The following MOK variants were observed in gnomAD, a reference collection of about 807,000 sequenced individuals.
MOK encodes the protein MAPK/MAK/MRK overlapping kinase.
MOK carries 59 observed loss-of-function variants against 54.2 expected under a neutral mutation model. That is an observed-to-expected ratio of 1.09 (90% CI 0.88 to 1.35). MOK has a LOEUF of 1.35. MOK is among the 40% of genes most tolerant of loss of function. The pLI is 0.00. For missense variants in MOK, 517 were observed against 526.2 expected, an observed-to-expected ratio of 0.98 and a Z score of 0.17; for synonymous variants, 210 against 202.7, an observed-to-expected ratio of 1.04 and a Z score of -0.31.
At chr14:102,262,275 A>G (rs993647807) in intron 4 of MOK, among the ~76,000 whole-genome samples, 2 of 152,126 alleles carry the variant, frequency 1.3e-5, no homozygotes, top group African/African-American at 2.4e-5. Flanking sequence ...CTTCCTGAGT[A>G]GGTGGGACTA....
At chr14:102,299,217 T>A (rs1274003660) in intron 1 of MOK, among the ~76,000 whole-genome samples, 2 of 152,168 alleles carry the variant, frequency 1.3e-5, no homozygotes, top group Non-Finnish European at 2.9e-5. Context: ...CAGATACTTT[T>A]AAAAATTCTC....
In MOK at chr14:102,229,156, C is replaced by G. The variant is rs570931995; in HGVS notation, c.*133G>C. 29 of 985,458 alleles carry G rather than the reference C, an allele frequency of 2.9e-5. No individual in the cohort carries two copies. In the African/African-American group the frequency reaches 4.4e-4, roughly 15 times the overall value. The allele number at this position is 985,458 out of a possible 1,614,324, so 61.0% of individuals were successfully genotyped here. A position where few individuals can be genotyped will look rare whatever the true frequency, so the allele number is the denominator to read the frequency against. On this transcript the variant is annotated 3_prime_UTR_variant, in exon 12 of 12. Transcript: ENST00000361847. ...GTGCGGCAGGGCGCAGGGCAGCACCCAGAGCCCCGGCCAGCGCGAAACGGA... is the reference window on the plus strand; with the variant it reads ...GTGCGGCAGGGCGCAGGGCAGCACCGAGAGCCCCGGCCAGCGCGAAACGGA...
At chr14:102,299,069 C>T (rs2071828371) in intron 1 of MOK, among the ~76,000 whole-genome samples, 1 of 152,170 alleles carries the variant, frequency 6.6e-6, no homozygotes, top group Non-Finnish European at 1.5e-5. Flanking sequence ...CCGTGAGGGT[C>T]TGAGGTTTAG....
the MOK span, among the ~76,000 whole-genome samples, chr14:102,219,022 G>A: frequency 5.9e-5 from 9 of 152,316 alleles, no homozygotes; most frequent in East Asian, 9.6e-4. Flanking sequence ...AAGAGCAGGC[G>A]GATTGGGGCA....
intron 1 of MOK, among the ~76,000 whole-genome samples, chr14:102,298,701 G>A (rs2071748458): frequency 6.6e-6 from 1 of 152,204 alleles, no homozygotes; most frequent in Admixed American, 6.5e-5. Context: ...GCCCAAGCCA[G>A]CAGTGGCAAC....
chr14:102,281,251 G>C (rs2069391944), intron 2 of MOK, among the ~76,000 whole-genome samples: 1 of 151,890 alleles, frequency 6.6e-6, no homozygotes, highest in Non-Finnish European at 1.5e-5. Context: ...TTGAACCTGG[G>C]AGGCAGAGGT....
At chr14:102,217,702 C>A in the MOK span, among the ~76,000 whole-genome samples, 1 of 152,208 alleles carries the variant, frequency 6.6e-6, no homozygotes, top group Non-Finnish European at 1.5e-5. Context: ...GCTGCTTTCT[C>A]CAGGTTTGCT....
chr14:102,234,065 G>C (rs2064993712), intron 7 of MOK: 1 of 310,864 alleles, frequency 3.2e-6, no homozygotes, highest in South Asian at 6.0e-5. Context: ...CAATCTGTAA[G>C]CTTGGGGCTG....
chr14:102,303,260 G>A (rs534623739), intron 1 of MOK, among the ~76,000 whole-genome samples: 2 of 152,200 alleles, frequency 1.3e-5, no homozygotes, highest in East Asian at 3.9e-4. Context: ...CAGGCACTCT[G>A]GAAGGGCCAC....
In MOK at chr14:102,245,829, G is replaced by A. The variant is rs916435742; in HGVS notation, c.590+4983C>T. On this transcript the variant is annotated intron_variant, in intron 7 of 11. Coordinates refer to ENST00000361847, the MANE Select transcript of MOK (RefSeq NM_014226.3). The surrounding 1 kb of genome is among the most constrained non-coding windows in gnomAD (Gnocchi z 4.3). ...ATACCCCCTAGTATCACCTTTCCAG[G>A]TTAAAGAGAGCTCCCACCTCCGATC... 6.6e-6 allele frequency among the ~76,000 whole-genome samples: 1 copy of A among 151,970 alleles called. No individual in the cohort carries two copies. Among genetic ancestry groups the A allele is most frequent in the African/African-American group, 2.4e-5 (1 of 41,362 alleles).
At chr14:102,225,280 C>CA (rs1432660678), downstream of MOK, 1 of 158,006 alleles carries the variant, frequency 6.3e-6, no homozygotes, top group Non-Finnish European at 1.4e-5. Flanking sequence ...AGGCTGGTCT[C>CA]AAACTCCTGG....
At chr14:102,304,915 C>A in intron 1 of MOK, 47 bp downstream of exon 1, 1 of 1,564,984 alleles carries the variant, frequency 6.4e-7, no homozygotes, top group Non-Finnish European at 8.7e-7. Context: ...CCTCCCTCCC[C>A]CGCCACTCGC....
rs374797176 is a variant in MOK, at chr14:102,233,716, C to A, written c.664G>T (p.Ala222Ser). The A allele has an allele frequency of 1.9e-6, 3 of 1,613,584 alleles. No individual in the cohort carries two copies. Among genetic ancestry groups the A allele is most frequent in the African/African-American group, 1.3e-5 (1 of 74,892 alleles). The change falls in exon 8 of 12, where the codon GCT becomes TCT. Residue 222 changes from alanine (A) to serine (S), a missense_variant. Transcript: ENST00000361847. The stretch of plus-strand genomic sequence containing the variant: ...TTGAACTTGGTGAGGATCTTCTGAG[C>A]GGGTGTGCCGATGACATCGTGGATT... ...SKIHDVIGTPAQKILTKFKQS... is the reference protein window; with the variant it reads ...SKIHDVIGTPSQKILTKFKQS...
the MOK span, among the ~76,000 whole-genome samples, chr14:102,218,116 A>G: frequency 1.3e-5 from 2 of 152,208 alleles, no homozygotes; most frequent in Non-Finnish European, 2.9e-5. Context: ...CTCAGGAGAG[A>G]AGCGCTAGTC....
Position 102,229,372 on chromosome 14 carries a change from AAAG to A in MOK, c.1183-9_1183-7del. 6.2e-7 allele frequency: 1 copy of A among 1,614,186 alleles called. No homozygotes were observed. On this transcript the variant is annotated splice_polypyrimidine_tract_variant and splice_region_variant and intron_variant, in intron 11 of 11. Transcript: ENST00000361847. ...AGGTCCTTCTGCGGATCTGTCTGTCAAAGAAAAATTACAGACACAAAATTCAGT... is the reference window on the plus strand; with the variant it reads ...AGGTCCTTCTGCGGATCTGTCTGTCAAAAAATTACAGACACAAAATTCAGT...
rs1451068965 is a variant in MOK, at chr14:102,282,826, C to A, written c.122+652G>T. Among the ~76,000 whole-genome samples, 3 of 151,828 alleles carry A rather than the reference C, an allele frequency of 2.0e-5. No individual in the cohort carries two copies. In the East Asian group the frequency reaches 5.8e-4, roughly 29 times the overall value. On this transcript the variant is annotated intron_variant, in intron 2 of 11. Transcript: ENST00000361847. ...CAGCACTTTGGAAGGCCAAGGCGGG[C>A]GGATCACTTGAGGCCAAGGAGTTCA...
intron 3 of MOK, chr14:102,264,735 A>G (rs2067762780): frequency 6.6e-6 from 1 of 152,224 alleles, no homozygotes; most frequent in African/African-American, 2.4e-5. Flanking sequence ...TTTCATTTTG[A>G]GTTTAAAACT....
intron 1 of MOK, among the ~76,000 whole-genome samples, chr14:102,290,349 C>T (rs751560480): frequency 1.3e-5 from 2 of 151,232 alleles, no homozygotes; most frequent in African/African-American, 4.9e-5. Flanking sequence ...CTGAGGCAGG[C>T]GAATCGCTTG....
intron 4 of MOK, among the ~76,000 whole-genome samples, chr14:102,253,016 C>T (rs914030362): frequency 2.0e-5 from 3 of 152,164 alleles, no homozygotes; most frequent in Admixed American, 6.5e-5. Context: ...AAGCCCCGGG[C>T]GAGTCAGCTC....
Sources: allele counts gnomAD v4.1 joint callset (sites outside exome capture counted in the v4.1 genomes callset), GRCh38; gene constraint gnomAD v4.1.1; non-coding constraint Gnocchi (gnomAD v3.1); transcripts MANE v1.5; gene names NCBI Gene and HGNC (gene_info 2026-07-23, HGNC 2026-07-21).